The following CLYBL variants were observed in gnomAD, a reference collection of about 807,000 sequenced individuals.
CLYBL encodes the protein citramalyl-CoA lyase, mitochondrial.
Under a neutral mutation model 38.9 loss-of-function variants are expected in CLYBL, and 31 were observed. The ratio of observed to expected loss-of-function variants is 0.80; its 90% CI spans 0.60 to 1.08. The LOEUF (loss-of-function observed/expected upper bound fraction) is 1.08. Among genes scored for constraint, CLYBL ranks in the 50% least tolerant of loss-of-function variants. The probability of loss-of-function intolerance (pLI) is 0.00; values close to 1 mark genes in which losing one functional copy is unlikely to be tolerated. For missense variants in CLYBL, 434 were observed against 411.6 expected, an observed-to-expected ratio of 1.05 and a Z score of -0.47; for synonymous variants, 171 against 158.6, an observed-to-expected ratio of 1.08 and a Z score of -0.59.
At chr13:99,645,342 C>G (rs922750053) in intron 1 of CLYBL, among the ~76,000 whole-genome samples, 1 of 151,938 alleles carries the variant, frequency 6.6e-6, no homozygotes, top group African/African-American at 2.4e-5. Flanking sequence ...TAAAAAAATA[C>G]AAAAACTTAG....
At chr13:99,611,219 G>C (rs2046621689) in intron 1 of CLYBL, among the ~76,000 whole-genome samples, 1 of 152,190 alleles carries the variant, frequency 6.6e-6, no homozygotes, top group Admixed American at 6.5e-5. Context: ...ATTGCTGCAA[G>C]TCTTTAATTT....
intron 1 of CLYBL, among the ~76,000 whole-genome samples, chr13:99,694,938 T>C (rs993976146): frequency 2.6e-5 from 4 of 152,148 alleles, no homozygotes; most frequent in Non-Finnish European, 4.4e-5. Flanking sequence ...AAGTGATTTT[T>C]CTGCCCTGTA....
intron 1 of CLYBL, among the ~76,000 whole-genome samples, chr13:99,717,448 A>G (rs1213502641): frequency 6.6e-6 from 1 of 151,148 alleles, no homozygotes; most frequent in African/African-American, 2.4e-5. Flanking sequence ...AAAAAAAAAA[A>G]AAAAAAAAAG....
chr13:99,728,879 A>G lies in CLYBL; in HGVS notation c.63-43945A>G, dbSNP rs183174576. ...ATTAGAGGCATGAGCCACCATGCCC[A>G]GCCCCACCCCAGTAAATATAAACTG... On this transcript the variant is annotated intron_variant, in intron 1 of 8. Transcript: ENST00000339105. Among the ~76,000 whole-genome samples the G allele has an allele frequency of 2.6e-4, 39 of 152,302 alleles. No homozygotes were observed. In the East Asian group the frequency reaches 7.3e-3, roughly 29 times the overall value.
At chr13:99,635,967 GA>G (rs2047012508) in intron 1 of CLYBL, among the ~76,000 whole-genome samples, 1 of 152,152 alleles carries the variant, frequency 6.6e-6, no homozygotes, top group South Asian at 2.1e-4. Context: ...ACATTTACTT[GA>G]TTAAATGTTT....
chr13:99,859,099 T>C (rs779533708), intron 3 of CLYBL, 50 bp downstream of exon 3: 5 of 1,488,808 alleles, frequency 3.4e-6, no homozygotes, highest in Middle Eastern at 1.8e-4. Flanking sequence ...TAAGGAGGAG[T>C]AGCAGGAAGA....
chr13:99,837,525 C>T (rs1379849811), intron 2 of CLYBL, among the ~76,000 whole-genome samples: 1 of 152,216 alleles, frequency 6.6e-6, no homozygotes. Context: ...ATCATGATTT[C>T]AAGTTGCTTT....
chr13:99,688,721 C>G (rs1176784567), intron 1 of CLYBL, among the ~76,000 whole-genome samples: 1 of 152,010 alleles, frequency 6.6e-6, no homozygotes, highest in African/African-American at 2.4e-5. Context: ...TCTTCCAGCT[C>G]CTGCATGGAA....
intron 1 of CLYBL, among the ~76,000 whole-genome samples, chr13:99,670,069 T>G (rs911802993): frequency 1.3e-5 from 2 of 151,530 alleles, no homozygotes; most frequent in African/African-American, 4.8e-5. Flanking sequence ...CATGGTGGCA[T>G]GCACCTGTAG....
At chr13:99,854,149 C>A (rs1186680776) in intron 2 of CLYBL, among the ~76,000 whole-genome samples, 1 of 152,140 alleles carries the variant, frequency 6.6e-6, no homozygotes, top group Non-Finnish European at 1.5e-5. Flanking sequence ...ATTACCAAAT[C>A]TTGGGTCGCA....
intron 1 of CLYBL, among the ~76,000 whole-genome samples, chr13:99,722,691 A>C (rs2048412586): frequency 6.6e-6 from 1 of 152,188 alleles, no homozygotes; most frequent in South Asian, 2.1e-4. Flanking sequence ...CTTTTCTTTG[A>C]GGTTATACGT....
chr13:99,801,439 A>AT (rs35178164), intron 2 of CLYBL, among the ~76,000 whole-genome samples: 84,376 of 150,336 alleles, frequency 0.56, 24,354 homozygotes, highest in Middle Eastern at 0.68. Context: ...AGACAGTTGG[A>AT]TTTTTTTTTT....
rs766868021 is a variant in CLYBL at position 99,866,227 on chromosome 13, A to T, written c.635-13A>T. Reference sequence around the variant, plus strand: ...GTTAAAGCCTCCTTTTTCTGTTAACATCCCATTTTCAGGTGCAACAAGTAG... The same window carrying T: ...GTTAAAGCCTCCTTTTTCTGTTAACTTCCCATTTTCAGGTGCAACAAGTAG... On this transcript the variant is annotated splice_polypyrimidine_tract_variant and intron_variant, in intron 5 of 8. Transcript: ENST00000339105. The T allele has an allele frequency of 2.5e-6, 4 of 1,612,084 alleles. No homozygotes were observed. In the Admixed American group the frequency reaches 6.7e-5, roughly 27 times the overall value.
chr13:99,801,764 C>G (rs965839107), intron 2 of CLYBL, among the ~76,000 whole-genome samples: 2 of 152,190 alleles, frequency 1.3e-5, no homozygotes, highest in Non-Finnish European at 2.9e-5. Flanking sequence ...CACCTGTAAT[C>G]CCAGGACTTT....
At chr13:99,778,537 T>A (rs1019211983) in intron 2 of CLYBL, among the ~76,000 whole-genome samples, 9 of 152,208 alleles carry the variant, frequency 5.9e-5, no homozygotes, top group Non-Finnish European at 1.2e-4. Flanking sequence ...CAAAGCAGTT[T>A]ATAAGTATAT....
chr13:99,828,741 C>A (rs1158332941), intron 2 of CLYBL, among the ~76,000 whole-genome samples: 1 of 152,122 alleles, frequency 6.6e-6, no homozygotes, highest in Non-Finnish European at 1.5e-5. Context: ...ATAATACATA[C>A]ACCATTTATC....
At chr13:99,611,780 G>T (rs1037093155) in intron 1 of CLYBL, among the ~76,000 whole-genome samples, 1 of 152,158 alleles carries the variant, frequency 6.6e-6, no homozygotes, top group African/African-American at 2.4e-5. Context: ...TTCTTTAATA[G>T]ACATATTGCC....
intron 1 of CLYBL, among the ~76,000 whole-genome samples, chr13:99,682,117 T>A (rs2047743792): frequency 6.6e-6 from 1 of 152,038 alleles, no homozygotes; most frequent in Admixed American, 6.6e-5. Context: ...TGTAGGCAAT[T>A]GTAACACAGT....
At chr13:99,785,345 A>G (rs186069592) in intron 2 of CLYBL, among the ~76,000 whole-genome samples, 5 of 150,868 alleles carry the variant, frequency 3.3e-5, no homozygotes, top group Admixed American at 3.3e-4. Context: ...AGTAGCTGGG[A>G]CCACAGGTGT....
Sources: allele counts gnomAD v4.1 joint callset (sites outside exome capture counted in the v4.1 genomes callset), GRCh38; gene constraint gnomAD v4.1.1; transcripts MANE v1.5; gene names NCBI Gene and HGNC (gene_info 2026-07-23, HGNC 2026-07-21).